Variants in FAM184A observed in about 807,000 individuals in gnomAD.
FAM184A encodes the protein family with sequence similarity 184 member A.
Under a neutral mutation model 143.8 loss-of-function variants are expected in FAM184A, and 99 were observed. The ratio of observed to expected loss-of-function variants is 0.69; its 90% CI spans 0.58 to 0.81. FAM184A has a LOEUF of 0.81. FAM184A is among the 40% of genes least tolerant of loss of function. The pLI is 0.00. For synonymous variants in FAM184A, 427 were observed against 446.4 expected (o/e 0.96, Z 0.55); for missense variants, 1,217 against 1,310.5 (o/e 0.93, Z 1.10).
intron 1 of FAM184A, among the ~76,000 whole-genome samples, chr6:119,130,309 T>C (rs1789502469): frequency 6.6e-6 from 1 of 152,166 alleles, no homozygotes; most frequent in African/African-American, 2.4e-5. Flanking sequence ...GAAATAAGCA[T>C]TTAATGAAAG....
chr6:119,108,297 A>G (rs1582622986), intron 1 of FAM184A, among the ~76,000 whole-genome samples: 1 of 152,206 alleles, frequency 6.6e-6, no homozygotes, highest in East Asian at 1.9e-4. Flanking sequence ...TTTTTGTTGA[A>G]TGAGATTGGA....
At chr6:119,033,481 T>C (rs1210679675) in intron 1 of FAM184A, among the ~76,000 whole-genome samples, 1 of 151,674 alleles carries the variant, frequency 6.6e-6, no homozygotes, top group Non-Finnish European at 1.5e-5. Flanking sequence ...CTGGTCAACA[T>C]GGTGAAACCC....
chr6:119,111,994 A>G (rs1788945848), intron 1 of FAM184A, among the ~76,000 whole-genome samples: 1 of 152,214 alleles, frequency 6.6e-6, no homozygotes, highest in Non-Finnish European at 1.5e-5. Flanking sequence ...TGTACTGCAT[A>G]TTATTCTATT....
intron 1 of FAM184A, among the ~76,000 whole-genome samples, chr6:119,131,963 T>C (rs199661003): frequency 2.0e-5 from 3 of 152,234 alleles, no homozygotes; most frequent in Non-Finnish European, 4.4e-5. Flanking sequence ...AAAGAGGTTA[T>C]ATGAGAGAGA....
In FAM184A at chr6:119,008,800, A is replaced by G. The variant is rs1000724161; in HGVS notation, c.1654-2192T>C. On this transcript the variant is annotated intron_variant, in intron 6 of 17. Transcript: ENST00000338891. The stretch of plus-strand genomic sequence containing the variant: ...ATAAATTACAAATATGGACACGAGC[A>G]TAAGCCCCATCCACTGCACAAGCAT... 6.6e-5 allele frequency among the ~76,000 whole-genome samples: 10 copies of G among 152,326 alleles called. No homozygotes were observed. In the East Asian group the frequency reaches 1.2e-3, roughly 18 times the overall value.
chr6:119,113,796 G>A (rs1239430482), intron 1 of FAM184A, among the ~76,000 whole-genome samples: 3 of 152,078 alleles, frequency 2.0e-5, no homozygotes, highest in South Asian at 2.1e-4. Flanking sequence ...ACAAAAATTA[G>A]CTGAGCATGG....
Position 118,966,816 on chromosome 6 carries a change from T to G in FAM184A, c.3033+19A>C, listed in dbSNP as rs367647436. 1.4e-5 allele frequency: 20 copies of G among 1,386,940 alleles called. No homozygotes were observed. Among genetic ancestry groups the G allele is most frequent in the Admixed American group, 5.6e-5 (3 of 53,678 alleles). The allele number at this position is 1,386,940 out of a possible 1,614,324, so 85.9% of individuals were successfully genotyped here. On this transcript the variant is annotated intron_variant, in intron 15 of 17. Transcript: ENST00000338891. ...CTATTGATTACTAACATGGTTAGAC[T>G]AAAACCAAAATATCTTACAATTAGT... is the stretch of plus-strand genomic sequence containing the variant.
intron 1 of FAM184A, among the ~76,000 whole-genome samples, chr6:119,062,615 G>A (rs575202574): frequency 2.6e-5 from 4 of 152,206 alleles, no homozygotes; most frequent in South Asian, 4.2e-4. Flanking sequence ...AGCTGTGATC[G>A]CACCACTGCA....
intron 9 of FAM184A, among the ~76,000 whole-genome samples, chr6:118,991,203 G>A (rs578144979): frequency 6.0e-5 from 9 of 149,578 alleles, no homozygotes; most frequent in African/African-American, 1.7e-4. Context: ...TTGCTCTGTC[G>A]CTCAGGCTGA....
In FAM184A at chr6:119,015,891, C is replaced by T. The variant is rs1314171473; in HGVS notation, c.1530+856G>A. Among the ~76,000 whole-genome samples the T allele has an allele frequency of 9.4e-5, 14 of 149,018 alleles. No individual in the cohort carries two copies. The East Asian group carries it at 2.0e-3, about 21-fold the overall frequency. On this transcript the variant is annotated intron_variant, in intron 5 of 17. Transcript: ENST00000338891. ...GCTCAAGGTTTGTGAGTGCACCAAT[C>T]GACACTCTGTATCTAGCTGCTCTGG...
chr6:119,120,369 C>CATTGTATAGACACACTACAT (rs1392470284), intron 1 of FAM184A, among the ~76,000 whole-genome samples: 8 of 152,190 alleles, frequency 5.3e-5, no homozygotes, highest in Admixed American at 1.3e-4. Context: ...GATAATACTC[C>CATTGTATAGACACACTACAT]ATTGTATAGA....
At chr6:118,975,734 TCA>T (rs1783825913) in intron 12 of FAM184A, among the ~76,000 whole-genome samples, 181 bp downstream of exon 12, 1 of 152,176 alleles carries the variant, frequency 6.6e-6, no homozygotes, top group African/African-American at 2.4e-5. Context: ...CACTCCAGCC[TCA>T]GTGACAAAGC....
upstream of FAM184A, among the ~76,000 whole-genome samples, chr6:119,079,486 A>T (rs540346773): frequency 7.9e-5 from 12 of 152,306 alleles, no homozygotes; most frequent in African/African-American, 2.6e-4. Context: ...CGCCTTCATA[A>T]ATGTGTTATT....
At chr6:119,092,800 G>A (rs571418557) in intron 1 of FAM184A, among the ~76,000 whole-genome samples, 1 of 152,224 alleles carries the variant, frequency 6.6e-6, no homozygotes, top group African/African-American at 2.4e-5. Flanking sequence ...AAACTCAACA[G>A]AGTATTATAC....
chr6:119,071,361 C>CA (rs1787678156), intron 1 of FAM184A, among the ~76,000 whole-genome samples: 1 of 152,160 alleles, frequency 6.6e-6, no homozygotes, highest in African/African-American at 2.4e-5. Context: ...GTAATTTTCA[C>CA]ACCAAGTATG....
chr6:119,046,439 G>C (rs1486629165), intron 1 of FAM184A, among the ~76,000 whole-genome samples: 8 of 151,834 alleles, frequency 5.3e-5, no homozygotes, highest in African/African-American at 1.5e-4. Context: ...TGGCCAGGCT[G>C]GTCTCAAACT....
chr6:119,008,714 C>T (rs11966822), intron 6 of FAM184A, among the ~76,000 whole-genome samples: 64 of 152,246 alleles, frequency 4.2e-4, no homozygotes, highest in African/African-American at 1.4e-3. Context: ...CTGAAATATC[C>T]GTCTACCTCT....
At chr6:119,001,814 G>A (rs1784764664) in intron 9 of FAM184A, among the ~76,000 whole-genome samples, 1 of 151,996 alleles carries the variant, frequency 6.6e-6, no homozygotes. Flanking sequence ...CTAACAATAG[G>A]GGATCAGTAG....
intron 1 of FAM184A, among the ~76,000 whole-genome samples, chr6:119,044,731 T>A (rs7753951): frequency 0.019 from 2,845 of 152,232 alleles, 82 homozygotes; most frequent in African/African-American, 0.065. Context: ...AATAATTTAA[T>A]GTTAATAGAG....
Sources: gnomAD v4.1 joint callset for allele counts (sites outside exome capture counted in the v4.1 genomes callset) on GRCh38, gnomAD v4.1.1 for gene constraint, MANE v1.5 for transcripts, NCBI Gene and HGNC (gene_info 2026-07-23, HGNC 2026-07-21) for gene names.